Variants in EEFSEC observed in about 807,000 individuals in gnomAD.
EEFSEC encodes selenocysteine-specific elongation factor.
Under a neutral mutation model 42.1 loss-of-function variants are expected in EEFSEC, and 43 were observed. The ratio of observed to expected loss-of-function variants is 1.02; its 90% confidence interval spans 0.80 to 1.32. EEFSEC has a LOEUF of 1.32. EEFSEC is among the 40% of genes most tolerant of loss of function. The pLI, the probability that EEFSEC is intolerant of heterozygous loss-of-function variation, is 0.00. For missense variants in EEFSEC, 745 were observed against 803.6 expected, an observed-to-expected ratio of 0.93 and a Z score of 0.88; for synonymous variants, 354 against 339.1, an observed-to-expected ratio of 1.04 and a Z score of -0.48.
At chr3:128,210,048 T>C (rs959152394) in intron 1 of EEFSEC, among the ~76,000 whole-genome samples, 3 of 152,200 alleles carry the variant, frequency 2.0e-5, no homozygotes, top group African/African-American at 7.2e-5. Context: ...CTTTTATGGA[T>C]GGTGGTGGTT....
At chr3:128,354,525 G>A (rs950701606) in intron 5 of EEFSEC, among the ~76,000 whole-genome samples, 18 of 152,198 alleles carry the variant, frequency 1.2e-4, no homozygotes, top group African/African-American at 3.4e-4. Flanking sequence ...TAGGTCAGAT[G>A]AGAACATAAA....
chr3:128,396,042 A>C (rs922114213), intron 6 of EEFSEC, among the ~76,000 whole-genome samples: 5 of 152,204 alleles, frequency 3.3e-5, no homozygotes, highest in African/African-American at 1.2e-4. Flanking sequence ...GCAGGTGTCA[A>C]GGCCTGCCTT....
chr3:128,302,858 A>G (rs59333002), intron 4 of EEFSEC, among the ~76,000 whole-genome samples: 11,011 of 152,260 alleles, frequency 0.072, 1,044 homozygotes, highest in East Asian at 0.36. Context: ...GTGATCTTAC[A>G]AATATTTCTC....
At chr3:128,387,473 C>T (rs1440299402) in intron 6 of EEFSEC, among the ~76,000 whole-genome samples, 1 of 152,140 alleles carries the variant, frequency 6.6e-6, no homozygotes, top group Admixed American at 6.5e-5. Context: ...TCTGGGAAGT[C>T]TGGGGGGCGT....
intron 2 of EEFSEC, among the ~76,000 whole-genome samples, chr3:128,255,348 A>T (rs2066230923): frequency 6.6e-6 from 1 of 152,156 alleles, no homozygotes; most frequent in Non-Finnish European, 1.5e-5. Flanking sequence ...CTGGACAGTC[A>T]CCTGGTCAGA....
At chr3:128,331,221 T>TC (rs1576643915) in intron 4 of EEFSEC, among the ~76,000 whole-genome samples, 1 of 55,762 alleles carries the variant, frequency 1.8e-5, no homozygotes, top group Non-Finnish European at 3.7e-5. Context: ...TCTCCCCTCT[T>TC]CTCCCCTTCC....
intron 6 of EEFSEC, among the ~76,000 whole-genome samples, chr3:128,370,020 T>A (rs954376745): frequency 6.6e-6 from 1 of 152,190 alleles, no homozygotes; most frequent in African/African-American, 2.4e-5. Flanking sequence ...CGCAATAGTG[T>A]CTTAGGAAGT....
chr3:128,309,946 A>G (rs544758735), intron 4 of EEFSEC, among the ~76,000 whole-genome samples: 24 of 152,358 alleles, frequency 1.6e-4, no homozygotes, highest in South Asian at 1.0e-3. Context: ...CCTAGCATTA[A>G]CATCCATTGA....
At chr3:128,201,883 G>A (rs1023646277) in intron 1 of EEFSEC, among the ~76,000 whole-genome samples, 21 of 152,180 alleles carry the variant, frequency 1.4e-4, no homozygotes, top group African/African-American at 5.1e-4. Context: ...TTTGTATGTG[G>A]TGTGAGATGG....
intron 4 of EEFSEC, among the ~76,000 whole-genome samples, chr3:128,332,072 A>G (rs2108059344): frequency 6.6e-6 from 1 of 152,316 alleles, no homozygotes; most frequent in African/African-American, 2.4e-5. Context: ...ATATAAAGAA[A>G]TACTATACAG....
downstream of EEFSEC, among the ~76,000 whole-genome samples, chr3:128,413,250 G>A (rs987914313): frequency 2.0e-5 from 3 of 152,170 alleles, no homozygotes; most frequent in African/African-American, 7.2e-5. Flanking sequence ...AAACTTGAGA[G>A]GAGAGGTACG....
chr3:128,346,409 T>A (rs1436897458), intron 5 of EEFSEC, among the ~76,000 whole-genome samples: 2 of 152,270 alleles, frequency 1.3e-5, no homozygotes, highest in Non-Finnish European at 2.9e-5. Flanking sequence ...TCTGCTATGA[T>A]GAAATATACT....
chr3:128,357,612 G>A (rs2067470400), intron 5 of EEFSEC, among the ~76,000 whole-genome samples: 1 of 152,188 alleles, frequency 6.6e-6, no homozygotes, highest in African/African-American at 2.4e-5. Flanking sequence ...TGTACATAGG[G>A]GTGTGTGCAG....
chr3:128,224,866 C>G (rs1023158933), intron 1 of EEFSEC, among the ~76,000 whole-genome samples: 1 of 152,188 alleles, frequency 6.6e-6, no homozygotes, highest in Non-Finnish European at 1.5e-5. Context: ...CATATACATC[C>G]CCAAGTCCTT....
chr3:128,357,751 A>C (rs1207744985), intron 5 of EEFSEC, among the ~76,000 whole-genome samples: 2 of 151,476 alleles, frequency 1.3e-5, no homozygotes, highest in Non-Finnish European at 2.9e-5. Flanking sequence ...CTTCAAGGAG[A>C]GTGCTCTGGG....
At chr3:128,389,163 C>T (rs1019430806) in intron 6 of EEFSEC, among the ~76,000 whole-genome samples, 2 of 152,204 alleles carry the variant, frequency 1.3e-5, no homozygotes, top group African/African-American at 2.4e-5. Context: ...GGTGCTGCAG[C>T]GAGGCATCTT....
chr3:128,414,217 G>A, the EEFSEC span, among the ~76,000 whole-genome samples: 2 of 152,198 alleles, frequency 1.3e-5, no homozygotes, highest in Admixed American at 1.3e-4. Flanking sequence ...AGGCAGGCTG[G>A]AGGGTCTGTG....
intron 1 of EEFSEC, among the ~76,000 whole-genome samples, chr3:128,189,895 C>CT (rs1302115353): frequency 6.6e-6 from 1 of 151,430 alleles, no homozygotes. Context: ...TGGAGTCTCG[C>CT]TCTGTTGCCC....
chr3:128,419,746 T>C, the EEFSEC span, among the ~76,000 whole-genome samples: 1 of 152,194 alleles, frequency 6.6e-6, no homozygotes, highest in Non-Finnish European at 1.5e-5. Flanking sequence ...CCTTGTTTCC[T>C]GGAGACCAGG....
Sources: gnomAD v4.1 joint callset for allele counts (sites outside exome capture counted in the v4.1 genomes callset) on GRCh38, gnomAD v4.1.1 for gene constraint, MANE v1.5 for transcripts, NCBI Gene and HGNC (gene_info 2026-07-23, HGNC 2026-07-21) for gene names.